NBEA: variants seen among roughly 807,000 people sequenced by gnomAD.
NBEA encodes neurobeachin.
In NBEA, 44 loss-of-function variants were observed where a neutral mutation model predicts 343.4. The ratio of observed to expected loss-of-function variants is 0.13; its 90% CI spans 0.10 to 0.16. The LOEUF is 0.16. Among genes scored for constraint, NBEA ranks in the 10% least tolerant of loss-of-function variants. The pLI, the probability that NBEA is intolerant of heterozygous loss-of-function variation, is 1.00. For synonymous variants in NBEA, 1,175 were observed against 1,238.7 expected, an observed-to-expected ratio of 0.95 and a Z score of 1.08; for missense variants, 2,555 against 3,631.3, an observed-to-expected ratio of 0.70 and a Z score of 7.62.
chr13:35,659,219 T>C (rs769768470), intron 55 of NBEA, among the ~76,000 whole-genome samples: 3 of 152,158 alleles, frequency 2.0e-5, no homozygotes, highest in South Asian at 2.1e-4. Flanking sequence ...TAACATAATA[T>C]CCTAGTAGCT....
At chr13:35,078,116 A>C (rs562161780) in intron 10 of NBEA, among the ~76,000 whole-genome samples, 1 of 152,282 alleles carries the variant, frequency 6.6e-6, no homozygotes, top group East Asian at 1.9e-4. Flanking sequence ...TCAGCTTCAG[A>C]ATAGAGATGG....
intron 1 of NBEA, among the ~76,000 whole-genome samples, chr13:35,014,303 G>T (rs943194735): frequency 1.3e-5 from 2 of 151,872 alleles, no homozygotes; most frequent in African/African-American, 4.8e-5. Context: ...CAATCTATTT[G>T]TGCCATACTT....
intron 40 of NBEA, among the ~76,000 whole-genome samples, chr13:35,457,744 G>A (rs573547053): frequency 6.6e-6 from 1 of 152,242 alleles, no homozygotes; most frequent in African/African-American, 2.4e-5. Flanking sequence ...GAGTAGCTGG[G>A]ACCACAGGCA....
chr13:35,611,895 C>T (rs902542254), intron 48 of NBEA, among the ~76,000 whole-genome samples: 1 of 152,112 alleles, frequency 6.6e-6, no homozygotes, highest in Non-Finnish European at 1.5e-5. Context: ...TCTATGTGAA[C>T]ATACATTTTT....
At chr13:35,095,353 C>T (rs966458338) in intron 10 of NBEA, among the ~76,000 whole-genome samples, 52 of 150,956 alleles carry the variant, frequency 3.4e-4, no homozygotes, top group African/African-American at 1.1e-3. Context: ...TATGTTTATA[C>T]ATAGTTAATA....
intron 38 of NBEA, among the ~76,000 whole-genome samples, chr13:35,421,547 A>G (rs1023178909): frequency 1.3e-5 from 2 of 152,110 alleles, no homozygotes; most frequent in African/African-American, 4.8e-5. Context: ...TTGTTTCAAC[A>G]GTAAAACATA....
chr13:35,660,968 C>T (rs1296697759), intron 55 of NBEA, among the ~76,000 whole-genome samples: 1 of 152,162 alleles, frequency 6.6e-6, no homozygotes, highest in Non-Finnish European at 1.5e-5. Flanking sequence ...TGTATTGGAA[C>T]ATCGATGGCA....
At chr13:35,210,815 C>T (rs768859605) in intron 32 of NBEA, among the ~76,000 whole-genome samples, 5 of 151,896 alleles carry the variant, frequency 3.3e-5, no homozygotes, top group Admixed American at 6.6e-5. Context: ...ATTTATACCC[C>T]ATTTGTAGTA....
At chr13:35,136,953 T>G (rs1778044503) in intron 17 of NBEA, among the ~76,000 whole-genome samples, 1 of 152,196 alleles carries the variant, frequency 6.6e-6, no homozygotes. Context: ...TGAAAATAAT[T>G]TAAGTGTTTT....
chr13:35,029,690 A>G (rs1845274277), intron 1 of NBEA, among the ~76,000 whole-genome samples: 2 of 151,606 alleles, frequency 1.3e-5, no homozygotes, highest in African/African-American at 4.8e-5. Flanking sequence ...ATATTTAAAG[A>G]CTCACTCTAT....
intron 34 of NBEA, 102 bp downstream of exon 34, chr13:35,232,721 A>G (rs1463013858): frequency 2.8e-5 from 25 of 895,984 alleles, no homozygotes; most frequent in Middle Eastern, 6.7e-4. Context: ...AAAAGAATGT[A>G]AAGGCATTAC....
intron 46 of NBEA, among the ~76,000 whole-genome samples, chr13:35,590,376 A>C (rs1033766868): frequency 6.6e-6 from 1 of 152,170 alleles, no homozygotes; most frequent in East Asian, 1.9e-4. Flanking sequence ...TGACCTTAAG[A>C]CAGTTGTTAA....
At chr13:35,358,543 C>A (rs968033277) in intron 38 of NBEA, among the ~76,000 whole-genome samples, 6 of 151,638 alleles carry the variant, frequency 4.0e-5, no homozygotes, top group Non-Finnish European at 7.4e-5. Context: ...CATGGTGAAA[C>A]CCTGTCTCTA....
At chr13:35,348,625 G>A (rs1453312230) in intron 36 of NBEA, among the ~76,000 whole-genome samples, 1 of 151,954 alleles carries the variant, frequency 6.6e-6, no homozygotes, top group East Asian at 1.9e-4. Context: ...ATTATTTAAA[G>A]TAAGAATCTA....
chr13:35,352,435 TA>T, intron 38 of NBEA, 112 bp downstream of exon 38: 1 of 614,532 alleles, frequency 1.6e-6, no homozygotes, highest in Non-Finnish European at 2.4e-6. Context: ...ATTTAAAATA[TA>T]AAAAATTACT....
chr13:35,489,223 C>T (rs1049878029), intron 41 of NBEA, among the ~76,000 whole-genome samples: 6 of 151,706 alleles, frequency 4.0e-5, no homozygotes, highest in Non-Finnish European at 8.8e-5. Context: ...AAGTCCAGTG[C>T]GTTTACAACA....
intron 10 of NBEA, among the ~76,000 whole-genome samples, chr13:35,092,416 G>A (rs1031693695): frequency 2.0e-5 from 3 of 151,934 alleles, no homozygotes; most frequent in African/African-American, 7.2e-5. Flanking sequence ...TGCTAAAGAT[G>A]CAATGAAAAG....
At chr13:35,413,579 CA>C (rs2043717242) in intron 38 of NBEA, among the ~76,000 whole-genome samples, 2 of 151,998 alleles carry the variant, frequency 1.3e-5, no homozygotes, top group Non-Finnish European at 2.9e-5. Context: ...ATGCAATTAT[CA>C]AAAATTTTAT....
chr13:35,151,182 G>C (rs1303931199), intron 18 of NBEA, among the ~76,000 whole-genome samples: 2 of 150,192 alleles, frequency 1.3e-5, no homozygotes, highest in Non-Finnish European at 3.0e-5. Context: ...TTAGGATAAA[G>C]ACTATGTTAT....
Sources: gnomAD v4.1 joint callset for allele counts (sites outside exome capture counted in the v4.1 genomes callset) on GRCh38, gnomAD v4.1.1 for gene constraint, MANE v1.5 for transcripts, NCBI Gene and HGNC (gene_info 2026-07-23, HGNC 2026-07-21) for gene names.